AJAP1: variants seen among roughly 807,000 people sequenced by gnomAD.
The protein encoded by AJAP1 is adherens junction-associated protein 1.
Under a neutral mutation model 35.0 loss-of-function variants are expected in AJAP1, and 5 were observed. The ratio of observed to expected loss-of-function variants is 0.14; its 90% CI spans 0.07 to 0.30. The LOEUF is 0.30. Among genes scored for constraint, AJAP1 ranks in the 10% least tolerant of loss-of-function variants. The pLI is 1.00. For missense variants in AJAP1, 586 were observed against 571.0 expected (o/e 1.03, Z -0.27); for synonymous variants, 284 against 249.3 (o/e 1.14, Z -1.31).
At position 4,785,734 on chromosome 1, in the gene AJAP1, C is replaced by G. The variant is rs1417054695; in HGVS notation, c.*3249C>G. 1 of 152,160 alleles carries G rather than the reference C, an allele frequency of 6.6e-6. No homozygotes were observed. Among genetic ancestry groups the G allele is most frequent in the Non-Finnish European group, 1.5e-5 (1 of 68,054 alleles). The allele number at this position is 152,160 out of a possible 1,614,324, so 9.4% of individuals were successfully genotyped here. ...CTAATAGTAGACACCTCCCATCCCC[C>G]ACCCAAGGCCTGGTCCTTTCCTTTG... On this transcript the variant is annotated 3_prime_UTR_variant, in exon 6 of 6. Coordinates refer to ENST00000378191, the MANE Select transcript of AJAP1 (RefSeq NM_018836.4).
At chr1:4,764,682 C>T (rs424723) in intron 2 of AJAP1, among the ~76,000 whole-genome samples, 45,150 of 152,066 alleles carry the variant, frequency 0.3, 7,268 homozygotes, top group Middle Eastern at 0.5. Flanking sequence ...ATAATTCAGA[C>T]GCTCCCGATT....
intron 2 of AJAP1, among the ~76,000 whole-genome samples, chr1:4,719,564 G>A (rs1640472904): frequency 6.6e-6 from 1 of 152,104 alleles, no homozygotes; most frequent in African/African-American, 2.4e-5. Flanking sequence ...GCGTGTGGTG[G>A]GGCTGAGATA....
intron 5 of AJAP1, 70 bp downstream of exon 5, chr1:4,774,628 C>G: frequency 1.2e-6 from 1 of 858,498 alleles, no homozygotes; most frequent in Non-Finnish European, 1.9e-6. Context: ...CTCCCCTGCA[C>G]TCTTTGGGAT....
At chr1:4,767,765 A>G (rs1383060996) in intron 2 of AJAP1, among the ~76,000 whole-genome samples, 1 of 148,038 alleles carries the variant, frequency 6.8e-6, no homozygotes, top group Non-Finnish European at 1.5e-5. Context: ...CCTCCTTCTC[A>G]TCACAAGAAG....
chr1:4,766,780 A>T (rs1272542396), intron 2 of AJAP1, among the ~76,000 whole-genome samples: 2 of 152,174 alleles, frequency 1.3e-5, no homozygotes, highest in Non-Finnish European at 2.9e-5. Context: ...TTTCTTGGGG[A>T]CACTGGAGCA....
At chr1:4,703,593 A>G (rs1431206741) in intron 1 of AJAP1, among the ~76,000 whole-genome samples, 1 of 152,174 alleles carries the variant, frequency 6.6e-6, no homozygotes, top group Non-Finnish European at 1.5e-5. Flanking sequence ...CTCGCATCCC[A>G]CCTAACATCA....
At chr1:4,774,076 C>A (rs1641894229) in intron 4 of AJAP1, among the ~76,000 whole-genome samples, 2 of 152,238 alleles carry the variant, frequency 1.3e-5, no homozygotes, top group South Asian at 4.1e-4. Flanking sequence ...TAAAGTGGGT[C>A]AAATCTGCCA....
intron 2 of AJAP1, among the ~76,000 whole-genome samples, chr1:4,718,968 G>C (rs916393476): frequency 1.3e-5 from 2 of 152,146 alleles, no homozygotes; most frequent in Non-Finnish European, 2.9e-5. Context: ...ACTGACTAGT[G>C]GGGTAGCCGG....
Position 4,712,668 on chromosome 1 carries a change from C to A in AJAP1, c.798C>A (p.Thr266=). The A allele has an allele frequency of 6.6e-7, 1 of 1,520,478 alleles. No individual in the cohort carries two copies. Among genetic ancestry groups the A allele is most frequent in the Non-Finnish European group, 8.9e-7 (1 of 1,129,940 alleles). 94.2% of individuals were successfully genotyped at this position (1,520,478 alleles called of 1,614,324 possible). A position where few individuals can be genotyped will look rare whatever the true frequency, so the allele number is the denominator to read the frequency against. ...STSPSNNGEV[T]QPPRILGEAS... is the part of the protein sequence containing the mutation. ...GTCCCAGCAACAACGGGGAAGTCAC[C>A]CAGCCCCCAAGGATTCTGGGGGAGG... Residue 266 remains threonine (T), a synonymous_variant, in exon 2 of 6, where the codon ACC becomes ACA. Coordinates refer to ENST00000378191, the MANE Select transcript of AJAP1 (RefSeq NM_018836.4).
chr1:4,723,821 G>A lies in AJAP1; in HGVS notation c.829+11122G>A, dbSNP rs548480775. Among the ~76,000 whole-genome samples the A allele has an allele frequency of 7.9e-5, 12 of 152,046 alleles. No homozygotes were observed. The East Asian group carries it at 2.3e-3, about 29-fold the overall frequency. On this transcript the variant is annotated intron_variant, in intron 2 of 5. Coordinates refer to ENST00000378191, the MANE Select transcript of AJAP1 (RefSeq NM_018836.4). This position sits in a 1 kb window ranked among gnomAD's most constrained non-coding sequence, Gnocchi z 4.3. ...TTTTATCGTGGGAGTATTCAGGCAC[G>A]TCTTTCTGCCAACGTGAATGACCCA... is the stretch of plus-strand genomic sequence containing the variant.
intron 1 of AJAP1, among the ~76,000 whole-genome samples, chr1:4,702,411 C>T (rs1378433525): frequency 6.6e-6 from 1 of 152,226 alleles, no homozygotes; most frequent in Non-Finnish European, 1.5e-5. Context: ...AAGTACCGAT[C>T]CACCGGTTCC....
At chr1:4,733,997 G>T (rs1244785214) in intron 2 of AJAP1, among the ~76,000 whole-genome samples, 1 of 152,224 alleles carries the variant, frequency 6.6e-6, no homozygotes, top group Non-Finnish European at 1.5e-5. Context: ...TGTGCGTCGC[G>T]AGCAGGGCCC....
Position 4,782,657 on chromosome 1 carries a change from C to T in AJAP1, c.*172C>T, listed in dbSNP as rs1642087786. ...TCCCCGCACCTACCACTTCTGTTTGCCGGTGGGAAACTCACAGAGCAGGAC... is the reference window on the plus strand; with the variant it reads ...TCCCCGCACCTACCACTTCTGTTTGTCGGTGGGAAACTCACAGAGCAGGAC... On this transcript the variant is annotated 3_prime_UTR_variant, in exon 6 of 6. Coordinates refer to ENST00000378191, the MANE Select transcript of AJAP1 (RefSeq NM_018836.4). This position sits in a 1 kb window ranked among gnomAD's most constrained non-coding sequence, Gnocchi z 5.3. 7.5e-6 allele frequency: 3 copies of T among 398,218 alleles called. No individual in the cohort carries two copies. The Admixed American group carries it at 1.3e-4, about 18-fold the overall frequency. 24.7% of individuals were successfully genotyped at this position (398,218 alleles called of 1,614,324 possible).
At position 4,656,773 on chromosome 1, in the gene AJAP1, T is replaced by C. The variant is rs1482489414; in HGVS notation, c.29+1319T>C. ...CCGATCTTGCTGTGGGCTTCAAAGG[T>C]TAATCATGGAGCCGATTGTGTTGGG... is the stretch of plus-strand genomic sequence containing the variant. On this transcript the variant is annotated intron_variant, in intron 1 of 5. Coordinates refer to ENST00000378191, the MANE Select transcript of AJAP1 (RefSeq NM_018836.4). This position sits in a 1 kb window ranked among gnomAD's most constrained non-coding sequence, Gnocchi z 5.7. Among the ~76,000 whole-genome samples the C allele has an allele frequency of 6.6e-6, 1 of 152,184 alleles. No individual in the cohort carries two copies. Among genetic ancestry groups the C allele is most frequent in the African/African-American group, 2.4e-5 (1 of 41,444 alleles).
chr1:4,655,597 A>C lies in AJAP1; in HGVS notation c.29+143A>C. 1 of 1,039,964 alleles carries C rather than the reference A, an allele frequency of 9.6e-7. No homozygotes were observed. The highest frequency in any genetic ancestry group is 1.9e-5 in the South Asian group (1 of 51,298). The allele number at this position is 1,039,964 out of a possible 1,614,324, so 64.4% of individuals were successfully genotyped here. A position where few individuals can be genotyped will look rare whatever the true frequency, so the allele number is the denominator to read the frequency against. On this transcript the variant is annotated intron_variant, in intron 1 of 5. Coordinates refer to ENST00000378191, the MANE Select transcript of AJAP1 (RefSeq NM_018836.4). This position sits in a 1 kb window ranked among gnomAD's most constrained non-coding sequence, Gnocchi z 6.9. ...CAACGGGGTGCACCGGTAGCCGGAA[A>C]GGGGCGCCCGCCCGGAGCCTGGAGC...
chr1:4,681,860 C>T (rs1639491192), intron 1 of AJAP1, among the ~76,000 whole-genome samples: 2 of 152,150 alleles, frequency 1.3e-5, no homozygotes, highest in African/African-American at 4.8e-5. Flanking sequence ...GGTCTCCCCA[C>T]CTGCAAAATG....
rs1420302314 is a variant in AJAP1, at chr1:4,711,972, C to T, written c.102C>T (p.Leu34=). Residue 34 remains leucine, a synonymous_variant, in exon 2 of 6, where the codon CTC becomes CTT. Transcript: ENST00000378191. The part of the protein sequence containing the change: ...HAWILIAMFQ[L]AVDLPACEAL... ...GGATACTGATAGCCATGTTTCAGCT[C>T]GCCGTGGACCTGCCCGCCTGTGAGG... 11 of 1,581,584 alleles carry T rather than the reference C, an allele frequency of 7.0e-6. No homozygotes were observed. In the Middle Eastern group the frequency reaches 1.2e-3, roughly 168 times the overall value.
At chr1:4,764,535 A>G (rs1053735672) in intron 2 of AJAP1, among the ~76,000 whole-genome samples, 19 of 152,132 alleles carry the variant, frequency 1.2e-4, no homozygotes, top group Admixed American at 6.5e-5. Flanking sequence ...TACATTTTGC[A>G]GGTCTCTGTG....
chr1:4,771,456 A>G (rs147955047), intron 3 of AJAP1, among the ~76,000 whole-genome samples: 12 of 152,312 alleles, frequency 7.9e-5, no homozygotes, highest in African/African-American at 2.6e-4. Context: ...AGGGGCGGGC[A>G]GGGGAAATGG....
Sources: allele counts gnomAD v4.1 joint callset (sites outside exome capture counted in the v4.1 genomes callset), GRCh38; gene constraint gnomAD v4.1.1; non-coding constraint Gnocchi (gnomAD v3.1); transcripts MANE v1.5; gene names NCBI Gene and HGNC (gene_info 2026-07-23, HGNC 2026-07-21).